KCND2: variants seen among roughly 807,000 people sequenced by gnomAD.
KCND2 encodes potassium voltage-gated channel subfamily D member 2.
Under a neutral mutation model 54.4 loss-of-function variants are expected in KCND2, and 16 were observed. That is an observed-to-expected ratio of 0.29 (90% CI 0.20 to 0.45). The LOEUF (loss-of-function observed/expected upper bound fraction) is 0.45. Among genes scored for constraint, KCND2 ranks in the 20% least tolerant of loss-of-function variants. The probability of loss-of-function intolerance (pLI) is 1.00; values close to 1 mark genes in which losing one functional copy is unlikely to be tolerated. For missense variants in KCND2, 486 were observed against 824.2 expected, an observed-to-expected ratio of 0.59 and a Z score of 5.02; for synonymous variants, 317 against 310.7, an observed-to-expected ratio of 1.02 and a Z score of -0.21.
At chr7:120,638,005 G>GA (rs948106866) in intron 1 of KCND2, among the ~76,000 whole-genome samples, 29 of 150,994 alleles carry the variant, frequency 1.9e-4, no homozygotes, top group Middle Eastern at 3.4e-3. Flanking sequence ...AGAAAAATCA[G>GA]AAAAAAAAAT....
rs1483972915 is a variant in KCND2 at position 120,742,496 on chromosome 7, C to G, written c.1375-14C>G. On this transcript the variant is annotated splice_polypyrimidine_tract_variant and intron_variant, in intron 3 of 5. Transcript: ENST00000331113. ...ATAAAATAGAAAGCTCTTCTGTCTT[C>G]TCTTTGTTAACAGTCCTCAGAGGAT... 3 of 1,608,876 alleles carry G rather than the reference C, an allele frequency of 1.9e-6. No individual in the cohort carries two copies. The highest frequency in any genetic ancestry group is 2.7e-5 in the African/African-American group (2 of 74,790).
At chr7:120,324,328 C>G (rs62470537) in intron 1 of KCND2, among the ~76,000 whole-genome samples, 1 of 148,576 alleles carries the variant, frequency 6.7e-6, no homozygotes, top group Admixed American at 6.7e-5. Context: ...TCAATTTTGG[C>G]TTTTGTTGCC....
At chr7:120,562,315 C>A (rs957492086) in intron 1 of KCND2, among the ~76,000 whole-genome samples, 1 of 151,942 alleles carries the variant, frequency 6.6e-6, no homozygotes, top group Admixed American at 6.6e-5. Context: ...AACATGAGAA[C>A]GTTATATGAG....
intron 1 of KCND2, among the ~76,000 whole-genome samples, chr7:120,582,511 G>T (rs1466986610): frequency 6.6e-6 from 1 of 151,774 alleles, no homozygotes; most frequent in Non-Finnish European, 1.5e-5. Context: ...TCTACTATTG[G>T]CCGCTTTCTG....
intron 1 of KCND2, among the ~76,000 whole-genome samples, chr7:120,424,354 A>G (rs528624015): frequency 6.6e-6 from 1 of 152,314 alleles, no homozygotes; most frequent in Admixed American, 6.5e-5. Context: ...GAGATAAAGT[A>G]TGTATAGAAT....
At chr7:120,422,234 G>A (rs1801636425) in intron 1 of KCND2, among the ~76,000 whole-genome samples, 1 of 152,158 alleles carries the variant, frequency 6.6e-6, no homozygotes, top group South Asian at 2.1e-4. Context: ...AGAACATAAA[G>A]TTCTCAAGCT....
intron 1 of KCND2, among the ~76,000 whole-genome samples, chr7:120,437,404 G>T (rs1801882792): frequency 6.6e-6 from 1 of 151,890 alleles, no homozygotes; most frequent in African/African-American, 2.4e-5. Context: ...GTTTCACCAT[G>T]TTGGCCAGGC....
At chr7:120,451,365 G>A (rs1220322880) in intron 1 of KCND2, among the ~76,000 whole-genome samples, 1 of 152,054 alleles carries the variant, frequency 6.6e-6, no homozygotes, top group Non-Finnish European at 1.5e-5. Flanking sequence ...TTGAGTGACA[G>A]GCATTTTTGT....
chr7:120,364,229 G>GT (rs1466340741), intron 1 of KCND2, among the ~76,000 whole-genome samples: 2 of 152,076 alleles, frequency 1.3e-5, no homozygotes, highest in Non-Finnish European at 2.9e-5. Flanking sequence ...TTTGTACTTT[G>GT]TTTTAGGGCC....
At chr7:120,699,312 T>C (rs1433850440) in intron 1 of KCND2, among the ~76,000 whole-genome samples, 1 of 151,974 alleles carries the variant, frequency 6.6e-6, no homozygotes, top group Non-Finnish European at 1.5e-5. Flanking sequence ...AATCAATGAA[T>C]AATATGTCCA....
chr7:120,744,600 C>T (rs556425200), intron 4 of KCND2, among the ~76,000 whole-genome samples: 12 of 151,982 alleles, frequency 7.9e-5, no homozygotes, highest in Non-Finnish European at 1.6e-4. Flanking sequence ...TCTGTCTTGT[C>T]TGATTATATT....
chr7:120,348,945 C>T (rs1428111434), intron 1 of KCND2, among the ~76,000 whole-genome samples: 1 of 151,952 alleles, frequency 6.6e-6, no homozygotes, highest in Non-Finnish European at 1.5e-5. Flanking sequence ...AGTAGCTTAC[C>T]TAGGGGGCTC....
intron 1 of KCND2, among the ~76,000 whole-genome samples, chr7:120,329,747 A>G (rs1461455071): frequency 6.6e-6 from 1 of 152,188 alleles, no homozygotes; most frequent in African/African-American, 2.4e-5. Flanking sequence ...TGGATATTTT[A>G]GGTACCAAAT....
At chr7:120,562,389 A>T (rs1471887014) in intron 1 of KCND2, among the ~76,000 whole-genome samples, 1 of 152,242 alleles carries the variant, frequency 6.6e-6, no homozygotes, top group Non-Finnish European at 1.5e-5. Context: ...AAAGACAAGG[A>T]CTAAACATTG....
chr7:120,291,901 AC>A (rs1799440632), intron 1 of KCND2, among the ~76,000 whole-genome samples: 1 of 151,850 alleles, frequency 6.6e-6, no homozygotes, highest in African/African-American at 2.4e-5. Context: ...TGACATTTGA[AC>A]CTGATTTTCC....
intron 1 of KCND2, among the ~76,000 whole-genome samples, chr7:120,498,457 C>T (rs929313136): frequency 1.4e-4 from 21 of 147,004 alleles, no homozygotes; most frequent in African/African-American, 4.3e-4. Context: ...TCCAGCCTGG[C>T]GACAGAGCAA....
intron 1 of KCND2, among the ~76,000 whole-genome samples, chr7:120,282,673 G>GT (rs1450636694): frequency 6.6e-6 from 1 of 152,096 alleles, no homozygotes; most frequent in Non-Finnish European, 1.5e-5. Context: ...TGTTCTAAAA[G>GT]TAAAAGGTCT....
chr7:120,750,051 C>G lies in KCND2; in HGVS notation c.*2193C>G, dbSNP rs1047970527. The G allele has an allele frequency of 2.0e-5, 3 of 151,966 alleles. No individual in the cohort carries two copies. The highest frequency in any genetic ancestry group is 6.8e-3 in the Middle Eastern group (2 of 294). 9.4% of individuals were successfully genotyped at this position (151,966 alleles called of 1,614,324 possible). A position where few individuals can be genotyped will look rare whatever the true frequency, so the allele number is the denominator to read the frequency against. ...ACCCAAAATTATTAATTTTATTAGG[C>G]TTTTGGAAAAGAAAAAAAACTTTTT... is the stretch of plus-strand genomic sequence containing the variant. On this transcript the variant is annotated 3_prime_UTR_variant, in exon 6 of 6. Transcript: ENST00000331113.
rs549226053 is a variant in KCND2 at position 120,558,063 on chromosome 7, T to C, written c.1116-174840T>C. 2.0e-5 allele frequency among the ~76,000 whole-genome samples: 3 copies of C among 152,246 alleles called. No homozygotes were observed. In the East Asian group the frequency reaches 5.8e-4, roughly 29 times the overall value. On this transcript the variant is annotated intron_variant, in intron 1 of 5. Transcript: ENST00000331113. ...ATTTTTATTAATGTTTCCCCTGATATCTTTATTATTAATAATTTTTTCACG... is the reference window on the plus strand; with the variant it reads ...ATTTTTATTAATGTTTCCCCTGATACCTTTATTATTAATAATTTTTTCACG...
Sources: gnomAD v4.1 joint callset for allele counts (sites outside exome capture counted in the v4.1 genomes callset) on GRCh38, gnomAD v4.1.1 for gene constraint, MANE v1.5 for transcripts, NCBI Gene and HGNC (gene_info 2026-07-23, HGNC 2026-07-21) for gene names.